RREB1: variants seen among roughly 807,000 people sequenced by gnomAD.
RREB1 encodes ras responsive element binding protein 1, also known as ras-responsive element-binding protein 1.
Under a neutral mutation model 117.8 loss-of-function variants are expected in RREB1, and 27 were observed. The ratio of observed to expected loss-of-function variants is 0.23; its 90% CI spans 0.17 to 0.32. The LOEUF (loss-of-function observed/expected upper bound fraction) is 0.32. Among genes scored for constraint, RREB1 ranks in the 10% least tolerant of loss-of-function variants. The pLI is 1.00. For synonymous variants in RREB1, 1,298 were observed against 1,026.7 expected, an observed-to-expected ratio of 1.26 and a Z score of -5.05; for missense variants, 2,577 against 2,378.2, an observed-to-expected ratio of 1.08 and a Z score of -1.74.
rs1767247936 is a variant in RREB1 at position 7,221,396 on chromosome 6, T to A, written c.708-5071T>A. ...ACCTTGTTAGCCAGGATGGTCTCGA[T>A]CTCCTGACCTCATGATCCACCCGCC... On this transcript the variant is annotated intron_variant, in intron 8 of 12. Coordinates refer to ENST00000379938, the MANE Select transcript of RREB1 (RefSeq NM_001003699.4). Among the ~76,000 whole-genome samples, 4 of 152,028 alleles carry A rather than the reference T, an allele frequency of 2.6e-5. No homozygotes were observed. In the South Asian group the frequency reaches 6.2e-4, roughly 24 times the overall value.
intron 1 of RREB1, among the ~76,000 whole-genome samples, chr6:7,161,108 G>A (rs148311746): frequency 7.9e-4 from 121 of 152,272 alleles, no homozygotes; most frequent in African/African-American, 2.7e-3. Flanking sequence ...TGGGATTACA[G>A]GTGTGAGGCA....
At position 7,119,412 on chromosome 6, in the gene RREB1, G is replaced by A. The variant is rs1430608442; in HGVS notation, c.-285+11352G>A. Among the ~76,000 whole-genome samples, 9 of 152,148 alleles carry A rather than the reference G, an allele frequency of 5.9e-5. No homozygotes were observed. In the East Asian group the frequency reaches 1.7e-3, roughly 29 times the overall value. ...AGTCATTTTTATATACACGTGCTAA[G>A]TGCCACCAGTGTGTGGCCTTTGTGT... is the stretch of plus-strand genomic sequence containing the variant. On this transcript the variant is annotated intron_variant, in intron 1 of 12. Transcript: ENST00000379938.
chr6:7,158,865 CTT>C (rs369346517), intron 1 of RREB1, among the ~76,000 whole-genome samples: 5 of 148,932 alleles, frequency 3.4e-5, no homozygotes, highest in African/African-American at 4.9e-5. Flanking sequence ...TTTTCAGACT[CTT>C]TTTTTTTTAA....
At chr6:7,199,199 G>C (rs1765811398) in intron 6 of RREB1, among the ~76,000 whole-genome samples, 2 of 152,130 alleles carry the variant, frequency 1.3e-5, no homozygotes, top group South Asian at 4.2e-4. Context: ...GCTGATAAAG[G>C]ATACTCCCTG....
At chr6:7,140,961 A>G (rs1166474303) in intron 1 of RREB1, among the ~76,000 whole-genome samples, 1 of 152,154 alleles carries the variant, frequency 6.6e-6, no homozygotes, top group East Asian at 1.9e-4. Context: ...GCCTTCCCTC[A>G]GAGGCGGGCA....
At chr6:7,192,116 A>ATTTTTTTTTTTTTTTTTTTTTTTTT (rs34074532) in intron 6 of RREB1, among the ~76,000 whole-genome samples, 1 of 15,296 alleles carries the variant, frequency 6.5e-5, no homozygotes, top group Non-Finnish European at 1.1e-4. Flanking sequence ...TTGTCAGATG[A>ATTTTTTTTTTTTTTTTTTTTTTTTT]TTTTTTTTTT....
chr6:7,232,045 C>T (rs369110268), intron 10 of RREB1, 138 bp downstream of exon 10: 2 of 879,400 alleles, frequency 2.3e-6, no homozygotes. Context: ...CTCCGAAGCC[C>T]CGAGCTTGTC....
At chr6:7,142,733 G>T (rs1762668923) in intron 1 of RREB1, among the ~76,000 whole-genome samples, 1 of 152,234 alleles carries the variant, frequency 6.6e-6, no homozygotes. Flanking sequence ...CCCAGCACCG[G>T]CCACTCTAGG....
intron 9 of RREB1, among the ~76,000 whole-genome samples, chr6:7,228,213 G>A (rs2113099091): frequency 6.6e-6 from 1 of 152,100 alleles, no homozygotes; most frequent in South Asian, 2.1e-4. Context: ...CACCCCCCAG[G>A]AGACATTCCT....
chr6:7,165,063 C>T (rs1207439505), intron 1 of RREB1, among the ~76,000 whole-genome samples: 2 of 152,204 alleles, frequency 1.3e-5, no homozygotes, highest in South Asian at 2.1e-4. Flanking sequence ...GTTCTCTTCT[C>T]GGAAGCATTG....
chr6:7,230,247 G>T lies in RREB1; in HGVS notation c.2148G>T (p.Arg716=), dbSNP rs544131983. 2.2e-5 allele frequency: 35 copies of T among 1,602,256 alleles called. No individual in the cohort carries two copies. Among genetic ancestry groups the T allele is most frequent in the Admixed American group, 1.3e-4 (8 of 59,966 alleles). ...YPFTVKANCE[R]HLRKKHLKAT... ...TCACTGTCAAAGCCAACTGCGAGCG[G>T]CACCTGCGCAAGAAGCACCTCAAGG... is the stretch of plus-strand genomic sequence containing the variant. The change falls in exon 10 of 13, where the codon CGG becomes CGT. Residue 716 remains arginine (R), a synonymous_variant. Transcript: ENST00000379938.
At chr6:7,189,397 C>T in intron 6 of RREB1, 75 bp downstream of exon 6, 1 of 1,379,352 alleles carries the variant, frequency 7.2e-7, no homozygotes. Flanking sequence ...GGCCTCTGAG[C>T]CTTCAGAAGA....
chr6:7,170,693 C>T (rs1764165388), intron 1 of RREB1, among the ~76,000 whole-genome samples: 1 of 152,180 alleles, frequency 6.6e-6, no homozygotes, highest in African/African-American at 2.4e-5. Context: ...CTCCCTGTCC[C>T]TCATTTATTA....
At chr6:7,196,961 C>A (rs939773668) in intron 6 of RREB1, among the ~76,000 whole-genome samples, 1 of 152,240 alleles carries the variant, frequency 6.6e-6, no homozygotes, top group Non-Finnish European at 1.5e-5. Flanking sequence ...CTTCCCAGAA[C>A]TCTTTATCAG....
rs147429099 is a variant in RREB1 at position 7,164,646 on chromosome 6, G to T, written c.-284-12009G>T. Among the ~76,000 whole-genome samples, 189 of 152,296 alleles carry T rather than the reference G, an allele frequency of 1.2e-3. 2 individuals carry two copies. The highest frequency in any genetic ancestry group is 4.2e-3 in the African/African-American group (175 of 41,564). On this transcript the variant is annotated intron_variant, in intron 1 of 12. Transcript: ENST00000379938. Reference sequence around the variant, plus strand: ...GATGCACAAAAGAGTGGATTTTGCTGCTATACTGAGTCCTGGATATTCACA... The same window carrying T: ...GATGCACAAAAGAGTGGATTTTGCTTCTATACTGAGTCCTGGATATTCACA...
chr6:7,172,690 GT>G (rs1327711768), intron 1 of RREB1, among the ~76,000 whole-genome samples: 14 of 140,312 alleles, frequency 1.0e-4, no homozygotes, highest in East Asian at 4.0e-4. Context: ...GGTTGCCGGT[GT>G]GGGGGGGTGG....
At chr6:7,107,781 G>C (rs1053591530), upstream of RREB1, 1 of 155,366 alleles carries the variant, frequency 6.4e-6, no homozygotes, top group Non-Finnish European at 1.4e-5. Flanking sequence ...GAGAGGGGGA[G>C]AGCGAGACTC....
At chr6:7,245,000 A>G (rs1012179832) in intron 11 of RREB1, among the ~76,000 whole-genome samples, 1 of 152,256 alleles carries the variant, frequency 6.6e-6, no homozygotes, top group Non-Finnish European at 1.5e-5. Context: ...AAGGACTGCA[A>G]TCACATCTGG....
chr6:7,118,136 T>C (rs1188539776), intron 1 of RREB1, among the ~76,000 whole-genome samples: 1 of 152,188 alleles, frequency 6.6e-6, no homozygotes, highest in Non-Finnish European at 1.5e-5. Flanking sequence ...TTGTTTTCTT[T>C]TTGAGACAGA....
Sources: allele counts gnomAD v4.1 joint callset (sites outside exome capture counted in the v4.1 genomes callset), GRCh38; gene constraint gnomAD v4.1.1; transcripts MANE v1.5; gene names NCBI Gene and HGNC (gene_info 2026-07-23, HGNC 2026-07-21).